Variants in VPS45 observed in about 807,000 individuals in gnomAD.
VPS45 encodes the protein vacuolar protein sorting 45 homolog.
VPS45 carries 35 observed loss-of-function variants against 75.9 expected under a neutral mutation model. That is an observed-to-expected ratio of 0.46 (90% CI 0.35 to 0.61). The LOEUF is 0.61. Among genes scored for constraint, VPS45 ranks in the 20% least tolerant of loss-of-function variants. The pLI is 0.00. For synonymous variants in VPS45, 220 were observed against 238.2 expected (o/e 0.92, Z 0.70); for missense variants, 559 against 685.9 (o/e 0.81, Z 2.07).
chr1:150,122,984 T>C (rs1384475468), intron 14 of VPS45, among the ~76,000 whole-genome samples: 2 of 35,966 alleles, frequency 5.6e-5, no homozygotes, highest in Non-Finnish European at 1.0e-4. Flanking sequence ...GCGAAACTCC[T>C]TCTCAAAAAA....
intron 14 of VPS45, among the ~76,000 whole-genome samples, chr1:150,130,898 G>C (rs1238555249): frequency 1.3e-5 from 2 of 152,102 alleles, no homozygotes; most frequent in African/African-American, 4.8e-5. Flanking sequence ...CATGATCCAA[G>C]AAGTGAGATC....
chr1:150,088,434 A>AATAAATATATATATATATATATAT (rs1400963423), intron 10 of VPS45, among the ~76,000 whole-genome samples: 9 of 125,532 alleles, frequency 7.2e-5, no homozygotes, highest in African/African-American at 2.3e-4. Flanking sequence ...CTGAATAATA[A>AATAAATATATATATATATATATAT]ATATATATAT....
chr1:150,103,880 A>G (rs1473546115), intron 13 of VPS45, among the ~76,000 whole-genome samples: 1 of 152,232 alleles, frequency 6.6e-6, no homozygotes, highest in African/African-American at 2.4e-5. Flanking sequence ...TTAGTCACCA[A>G]GATGGTCACT....
At chr1:150,111,030 A>G (rs1367407303) in intron 14 of VPS45, among the ~76,000 whole-genome samples, 1 of 152,198 alleles carries the variant, frequency 6.6e-6, no homozygotes, top group Non-Finnish European at 1.5e-5. Context: ...ATGGTATTGA[A>G]GTCTGTGAGT....
chr1:150,128,592 C>T lies in VPS45; in HGVS notation c.1626-16117C>T, dbSNP rs1242607500. 2.6e-5 allele frequency among the ~76,000 whole-genome samples: 4 copies of T among 152,120 alleles called. No individual in the cohort carries two copies. In the East Asian group the frequency reaches 5.8e-4, roughly 22 times the overall value. ...AAACTTGGACCTTCTCCTGTAACCA[C>T]CAGTAGGTTCAATCTCTGAATTATT... On this transcript the variant is annotated intron_variant, in intron 14 of 14. Transcript: ENST00000644510.
Position 150,144,473 on chromosome 1 carries a change from A to G in VPS45, c.1626-236A>G, listed in dbSNP as rs1231094961. The stretch of plus-strand genomic sequence containing the variant: ...AATGTTAGTCTTAATAGATCTTACA[A>G]ATTTAATTCTAAAAAAAAAATGAAG... On this transcript the variant is annotated intron_variant, in intron 14 of 14. Coordinates refer to ENST00000644510, the MANE Select transcript of VPS45 (RefSeq NM_007259.5). Among the ~76,000 whole-genome samples the G allele has an allele frequency of 2.3e-4, 9 of 38,610 alleles. No homozygotes were observed. In the Admixed American group the frequency reaches 3.1e-3, roughly 13 times the overall value. The allele number at this position is 38,610 out of a possible 152,430, so 25.3% of individuals were successfully genotyped here.
chr1:150,083,860 C>T (rs1025290704), intron 10 of VPS45, among the ~76,000 whole-genome samples: 3 of 151,840 alleles, frequency 2.0e-5, no homozygotes, highest in Non-Finnish European at 4.4e-5. Context: ...GATGGGGGCT[C>T]CCGGAGGATT....
At chr1:150,074,907 C>T (rs1655281056) in intron 3 of VPS45, among the ~76,000 whole-genome samples, 1 of 148,328 alleles carries the variant, frequency 6.7e-6, no homozygotes, top group Non-Finnish European at 1.5e-5. Flanking sequence ...TTAAAAAACA[C>T]ATTTCCATTA....
chr1:150,069,049 C>G (rs1654881605), intron 2 of VPS45, among the ~76,000 whole-genome samples: 1 of 152,184 alleles, frequency 6.6e-6, no homozygotes, highest in South Asian at 2.1e-4. Context: ...CCTGGATTAA[C>G]CTCCGTATCT....
At chr1:150,083,655 G>GAT (rs10591209) in intron 10 of VPS45, among the ~76,000 whole-genome samples, 15,151 of 146,922 alleles carry the variant, frequency 0.1, 2,529 homozygotes, top group African/African-American at 0.35. Flanking sequence ...AATAAATATT[G>GAT]ATATATATAT....
rs782367453 is a variant in VPS45 at position 150,067,930 on chromosome 1, C to A, written c.73C>A (p.Leu25Ile). 4.3e-6 allele frequency: 7 copies of A among 1,614,176 alleles called. No individual in the cohort carries two copies. The highest frequency in any genetic ancestry group is 5.9e-6 in the Non-Finnish European group (7 of 1,180,012). Residue 25 changes from leucine (L) to isoleucine (I), a missense_variant, in exon 1 of 15, where the codon CTT becomes ATT. Coordinates refer to ENST00000644510, the MANE Select transcript of VPS45 (RefSeq NM_007259.5). ...IEDSGPGMKV[L>I]LMDKETTGIV... ...GGACAGCGGGCCTGGTATGAAAGTA[C>A]TTCTCATGGATAAAGAGACGGTGAG...
At chr1:150,134,393 T>G (rs11587963) in intron 14 of VPS45, among the ~76,000 whole-genome samples, 16,098 of 152,214 alleles carry the variant, frequency 0.11, 1,193 homozygotes, top group Non-Finnish European at 0.16. Context: ...ATAAAATATA[T>G]GTAGCATGTA....
intron 13 of VPS45, among the ~76,000 whole-genome samples, chr1:150,104,610 AATGGAGTGCTGG>A (rs1463477426): frequency 2.0e-5 from 3 of 152,066 alleles, no homozygotes; most frequent in Admixed American, 6.6e-5. Flanking sequence ...CATTCTGTTG[AATGGAGTGCTGG>A]ATGGAGTGTA....
intron 14 of VPS45, among the ~76,000 whole-genome samples, chr1:150,133,756 G>C (rs1319240418): frequency 1.3e-5 from 2 of 152,106 alleles, no homozygotes; most frequent in Non-Finnish European, 2.9e-5. Flanking sequence ...CTACCTTTCA[G>C]ATATGTTCTC....
rs376563764 is a variant in VPS45 at position 150,092,412 on chromosome 1, A to G, written c.1371+3A>G. 1.1e-5 allele frequency: 17 copies of G among 1,613,104 alleles called. No homozygotes were observed. Among genetic ancestry groups the G allele is most frequent in the Non-Finnish European group, 1.4e-5 (17 of 1,179,270 alleles). On this transcript the variant is annotated splice_donor_region_variant and intron_variant, in intron 12 of 14. Coordinates refer to ENST00000644510, the MANE Select transcript of VPS45 (RefSeq NM_007259.5). Reference sequence around the variant, plus strand: ...AACAATTCCTCAAAGGACTGAAGGTATAGACATCTCCTCTATGCTCTCCTG... The same window carrying G: ...AACAATTCCTCAAAGGACTGAAGGTGTAGACATCTCCTCTATGCTCTCCTG...
At chr1:150,114,481 A>G (rs1386978207) in intron 14 of VPS45, among the ~76,000 whole-genome samples, 1 of 151,896 alleles carries the variant, frequency 6.6e-6, no homozygotes, top group African/African-American at 2.4e-5. Context: ...AAAAAAAAAA[A>G]AAATTATTGG....
rs1193304383 is a variant in VPS45 at position 150,081,354 on chromosome 1, G to A, written c.700G>A (p.Ala234Thr). The A allele has an allele frequency of 3.7e-6, 6 of 1,602,896 alleles. No individual in the cohort carries two copies. In the African/African-American group the frequency reaches 8.1e-5, roughly 22 times the overall value. Reference protein sequence around the residue: ...TPLLNQWTYQAMVHELLGINN... With the variant: ...TPLLNQWTYQTMVHELLGINN... ...ATTCTTTATTTAGTGGACATATCAGGCCATGGTCCACGAACTACTAGGCAT... is the reference window on the plus strand; with the variant it reads ...ATTCTTTATTTAGTGGACATATCAGACCATGGTCCACGAACTACTAGGCAT... Residue 234 changes from alanine to threonine, a missense_variant, in exon 8 of 15, where the codon GCC (alanine) becomes ACC (threonine). Ala to Thr is a moderately conservative substitution (Grantham distance 58). Transcript: ENST00000644510.
intron 14 of VPS45, among the ~76,000 whole-genome samples, chr1:150,129,841 C>T (rs981536455): frequency 6.8e-5 from 9 of 133,068 alleles, no homozygotes; most frequent in Non-Finnish European, 3.1e-5. Flanking sequence ...GCATGAGCCA[C>T]CACGCCTGGC....
At chr1:150,102,964 C>T (rs1230829586) in intron 13 of VPS45, among the ~76,000 whole-genome samples, 1 of 151,872 alleles carries the variant, frequency 6.6e-6, no homozygotes, top group East Asian at 1.9e-4. Flanking sequence ...GACAAACCGC[C>T]GTGACACATG....
Sources: allele counts gnomAD v4.1 joint callset (sites outside exome capture counted in the v4.1 genomes callset), GRCh38; gene constraint gnomAD v4.1.1; transcripts MANE v1.5; gene names NCBI Gene and HGNC (gene_info 2026-07-23, HGNC 2026-07-21).